SPON1: variants seen among roughly 807,000 people sequenced by gnomAD.
SPON1 encodes the protein spondin-1.
A neutral mutation model predicts 111.7 loss-of-function variants in SPON1; 52 were observed. That is an observed-to-expected ratio of 0.47 (90% CI 0.37 to 0.59). The LOEUF (loss-of-function observed/expected upper bound fraction) is 0.59. SPON1 is among the 20% of genes least tolerant of loss of function. The pLI, the probability that SPON1 is intolerant of heterozygous loss-of-function variation, is 0.00. For synonymous variants in SPON1, 410 were observed against 395.8 expected, an observed-to-expected ratio of 1.04 and a Z score of -0.43; for missense variants, 957 against 1,068.5, an observed-to-expected ratio of 0.90 and a Z score of 1.46.
intron 1 of SPON1, among the ~76,000 whole-genome samples, chr11:13,980,160 C>A (rs1554909441): frequency 6.6e-6 from 1 of 152,114 alleles, no homozygotes; most frequent in Non-Finnish European, 1.5e-5. Flanking sequence ...CCTGCCTCAG[C>A]CTCGTGAGTA....
chr11:14,104,909 C>G (rs1554924750), intron 5 of SPON1, among the ~76,000 whole-genome samples: 1 of 152,058 alleles, frequency 6.6e-6, no homozygotes, highest in Non-Finnish European at 1.5e-5. Context: ...CTTCTTTACT[C>G]TATGGTATGT....
rs560607095 is a variant in SPON1 at position 14,203,941 on chromosome 11, G to C, written c.826-39391G>C. Among the ~76,000 whole-genome samples the C allele has an allele frequency of 2.0e-5, 3 of 152,314 alleles. No homozygotes were observed. In the South Asian group the frequency reaches 6.2e-4, roughly 32 times the overall value. On this transcript the variant is annotated intron_variant, in intron 6 of 15. Coordinates refer to ENST00000576479, the MANE Select transcript of SPON1 (RefSeq NM_006108.4). ...AAATGGGAAGAATCATTCCAACAGGGAGAGCAGGGAAGTCCAAAATCCATA... is the reference window on the plus strand; with the variant it reads ...AAATGGGAAGAATCATTCCAACAGGCAGAGCAGGGAAGTCCAAAATCCATA...
intron 15 of SPON1, among the ~76,000 whole-genome samples, chr11:14,264,657 C>T (rs1212532839): frequency 1.3e-5 from 2 of 152,196 alleles, no homozygotes; most frequent in Non-Finnish European, 1.5e-5. Flanking sequence ...GTGGCAGGTA[C>T]ATAGTTGTAC....
At chr11:14,180,312 C>A (rs891044346) in intron 6 of SPON1, among the ~76,000 whole-genome samples, 1 of 151,968 alleles carries the variant, frequency 6.6e-6, no homozygotes, top group Admixed American at 6.6e-5. Flanking sequence ...GTAATCTAGC[C>A]CTTCCTCTCT....
chr11:13,979,943 G>T (rs1554909408), intron 1 of SPON1, among the ~76,000 whole-genome samples: 1 of 152,046 alleles, frequency 6.6e-6, no homozygotes, highest in Admixed American at 6.5e-5. Context: ...GAGATTCCCA[G>T]CTCTGTCCCC....
At chr11:14,156,171 T>G (rs1273451996) in intron 6 of SPON1, among the ~76,000 whole-genome samples, 1 of 133,930 alleles carries the variant, frequency 7.5e-6, no homozygotes, top group Non-Finnish European at 1.7e-5. Context: ...TCCTGACTTT[T>G]TAATGATTGC....
chr11:14,144,530 T>C (rs1847695694), intron 6 of SPON1, among the ~76,000 whole-genome samples: 1 of 151,902 alleles, frequency 6.6e-6, no homozygotes, highest in Non-Finnish European at 1.5e-5. Flanking sequence ...CTCAGGAGGC[T>C]GAGGCAGGAG....
intron 6 of SPON1, among the ~76,000 whole-genome samples, chr11:14,164,442 A>G (rs1848003615): frequency 6.6e-6 from 1 of 152,260 alleles, no homozygotes; most frequent in Non-Finnish European, 1.5e-5. Context: ...AATGTGTGCA[A>G]TTTCCTGAAA....
intron 3 of SPON1, among the ~76,000 whole-genome samples, chr11:14,051,548 A>AG (rs1471136732): frequency 4.5e-4 from 69 of 151,790 alleles, no homozygotes; most frequent in African/African-American, 1.6e-3. Context: ...AAAAAAAAAA[A>AG]AGAGAGACAG....
chr11:14,198,439 T>A (rs782793387), intron 6 of SPON1, among the ~76,000 whole-genome samples: 1 of 152,240 alleles, frequency 6.6e-6, no homozygotes, highest in Non-Finnish European at 1.5e-5. Flanking sequence ...ATAAACTTAA[T>A]AAATGTTACC....
At chr11:14,159,255 C>G (rs1481702685) in intron 6 of SPON1, among the ~76,000 whole-genome samples, 13 of 151,892 alleles carry the variant, frequency 8.6e-5, no homozygotes, top group African/African-American at 3.1e-4. Flanking sequence ...TTTTTTGATG[C>G]CTTTGGAAAG....
At chr11:14,263,753 G>A (rs181852228) in intron 15 of SPON1, among the ~76,000 whole-genome samples, 1 of 152,042 alleles carries the variant, frequency 6.6e-6, no homozygotes, top group Non-Finnish European at 1.5e-5. Context: ...TCCAGGCCGG[G>A]CACGGTGGCT....
At chr11:14,139,071 T>C (rs1440104273) in intron 6 of SPON1, among the ~76,000 whole-genome samples, 2 of 152,186 alleles carry the variant, frequency 1.3e-5, no homozygotes, top group Non-Finnish European at 1.5e-5. Context: ...TAGCTTCTCC[T>C]TGACCCTAAG....
chr11:13,975,623 G>A (rs934935016), intron 1 of SPON1, among the ~76,000 whole-genome samples: 2 of 152,140 alleles, frequency 1.3e-5, no homozygotes. Flanking sequence ...AAAGGGGCAG[G>A]GAGGTCCTCA....
intron 6 of SPON1, among the ~76,000 whole-genome samples, chr11:14,183,381 A>G (rs1309452921): frequency 1.3e-5 from 2 of 152,168 alleles, no homozygotes; most frequent in Non-Finnish European, 2.9e-5. Flanking sequence ...TTTCTGTGCA[A>G]TTAGAGGTAT....
At chr11:14,263,535 G>T (rs1207638441) in intron 15 of SPON1, among the ~76,000 whole-genome samples, 2 of 152,118 alleles carry the variant, frequency 1.3e-5, no homozygotes, top group African/African-American at 4.8e-5. Flanking sequence ...AAGTTTATCA[G>T]CAGTGTCATG....
chr11:14,099,083 C>T (rs1849124066), intron 5 of SPON1, among the ~76,000 whole-genome samples: 1 of 152,162 alleles, frequency 6.6e-6, no homozygotes, highest in Admixed American at 6.5e-5. Flanking sequence ...TATCCTCACC[C>T]CCAAGTTATC....
At chr11:14,176,831 C>G (rs1355533546) in intron 6 of SPON1, among the ~76,000 whole-genome samples, 1 of 152,138 alleles carries the variant, frequency 6.6e-6, no homozygotes, top group Non-Finnish European at 1.5e-5. Context: ...AGGCATGTAG[C>G]CACAAGGGCA....
chr11:14,173,102 C>G (rs1273964475), intron 6 of SPON1, among the ~76,000 whole-genome samples: 1 of 151,890 alleles, frequency 6.6e-6, no homozygotes, highest in Non-Finnish European at 1.5e-5. Flanking sequence ...CAACTTGGTT[C>G]CATTCTCCCC....
Sources: gnomAD v4.1 joint callset for allele counts (sites outside exome capture counted in the v4.1 genomes callset) on GRCh38, gnomAD v4.1.1 for gene constraint, MANE v1.5 for transcripts, NCBI Gene and HGNC (gene_info 2026-07-23, HGNC 2026-07-21) for gene names.